Variants in SVIL observed in about 807,000 individuals in gnomAD.
SVIL encodes supervillin.
SVIL carries 101 observed loss-of-function variants against 240.4 expected under a neutral mutation model. The observed-to-expected ratio is 0.42, with a 90% CI of 0.36 to 0.50. SVIL has a LOEUF of 0.50. Ranked by LOEUF, SVIL falls within the 20% of genes least tolerant of loss-of-function variation. The pLI is 0.01. For synonymous variants in SVIL, 999 were observed against 1,100.0 expected (o/e 0.91, Z 1.82); for missense variants, 2,512 against 2,818.7 (o/e 0.89, Z 2.46).
intron 16 of SVIL, among the ~76,000 whole-genome samples, chr10:29,518,742 G>A (rs1413801118): frequency 1.3e-5 from 2 of 152,166 alleles, no homozygotes; most frequent in African/African-American, 4.8e-5. Flanking sequence ...TGTGATCCCA[G>A]CTACTCAGGA....
chr10:29,588,696 C>T (rs143731389), intron 1 of SVIL, among the ~76,000 whole-genome samples: 6 of 152,278 alleles, frequency 3.9e-5, no homozygotes, highest in East Asian at 3.9e-4. Flanking sequence ...GCTTAGGAAC[C>T]GAGTCACACA....
At chr10:29,600,066 G>C (rs1210377445) in intron 1 of SVIL, among the ~76,000 whole-genome samples, 1 of 151,256 alleles carries the variant, frequency 6.6e-6, no homozygotes, top group Non-Finnish European at 1.5e-5. Flanking sequence ...TAAGAGATAG[G>C]GTCTCACTCT....
At chr10:29,550,395 T>C (rs1435878127) in intron 6 of SVIL, among the ~76,000 whole-genome samples, 1 of 150,482 alleles carries the variant, frequency 6.6e-6, no homozygotes, top group Non-Finnish European at 1.5e-5. Flanking sequence ...TGAGCTATGA[T>C]AGTGCCACTG....
rs1413396098 is a variant in SVIL at position 29,508,286 on chromosome 10, G to A, written c.3516+4449C>T. 2.5e-5 allele frequency: 29 copies of A among 1,169,512 alleles called. No individual in the cohort carries two copies. In the East Asian group the frequency reaches 9.2e-4, roughly 37 times the overall value. The allele number at this position is 1,169,512 out of a possible 1,614,324, so 72.4% of individuals were successfully genotyped here. A position where few individuals can be genotyped will look rare whatever the true frequency, so the allele number is the denominator to read the frequency against. ...ACCACCCAGGATCAGGATTACCCACGCGAAGTGTAATTCTGGCCACCATCG... is the reference window on the plus strand; with the variant it reads ...ACCACCCAGGATCAGGATTACCCACACGAAGTGTAATTCTGGCCACCATCG... On this transcript the variant is annotated intron_variant, in intron 17 of 37. Coordinates refer to ENST00000355867, the MANE Select transcript of SVIL (RefSeq NM_021738.3).
intron 1 of SVIL, among the ~76,000 whole-genome samples, chr10:29,617,536 G>A (rs1217062173): frequency 2.6e-5 from 4 of 151,066 alleles, no homozygotes; most frequent in Admixed American, 6.6e-5. Context: ...AGCCGAGATC[G>A]TGCCACTGCA....
At chr10:29,563,469 T>A (rs1954692805) in intron 2 of SVIL, among the ~76,000 whole-genome samples, 177 bp from the exon 3 acceptor site, 1 of 152,220 alleles carries the variant, frequency 6.6e-6, no homozygotes, top group Admixed American at 6.5e-5. Flanking sequence ...TTATTTATAT[T>A]TCTGTAAATA....
In SVIL at chr10:29,512,915, G is replaced by A. The variant is rs1323118830; in HGVS notation, c.3390-54C>T. 3 of 1,587,532 alleles carry A rather than the reference G, an allele frequency of 1.9e-6. No individual in the cohort carries two copies. In the African/African-American group the frequency reaches 4.0e-5, roughly 21 times the overall value. ...AGTTCAGCACCAAACTCTTCCTTGT[G>A]ATGGAACCATAATCTAGGTAAGAGA... is the stretch of plus-strand genomic sequence containing the variant. On this transcript the variant is annotated intron_variant, in intron 16 of 37. Coordinates refer to ENST00000355867, the MANE Select transcript of SVIL (RefSeq NM_021738.3).
rs369717846 is a variant in SVIL, at chr10:29,689,308, A to G, written c.-399-2657T>C. ...CTTTGTTTTCTTTTTTTTTTGAGACAGAGTCTCGCACTATCACCCAGGCTG... is the reference window on the plus strand; with the variant it reads ...CTTTGTTTTCTTTTTTTTTTGAGACGGAGTCTCGCACTATCACCCAGGCTG... On this transcript the variant is annotated intron_variant, in intron 1 of 35. Transcript: ENST00000375400. Among the ~76,000 whole-genome samples, 3 of 151,944 alleles carry G rather than the reference A, an allele frequency of 2.0e-5. No individual in the cohort carries two copies. The South Asian group carries it at 6.2e-4, about 32-fold the overall frequency.
rs761497489 is a variant in SVIL at position 29,463,618 on chromosome 10, T to C, written c.6151A>G (p.Asn2051Asp). The change falls in exon 35 of 38, where the codon AAT (asparagine) becomes GAT (aspartate). Residue 2051 changes from asparagine (N) to aspartate (D), a missense_variant. Physicochemically the swap from Asn to Asp is conservative, Grantham distance 23. Around this residue, in one of 3 missense-constraint regions of SVIL, gnomAD observed 797 missense variants for 925.3 expected, o/e 0.86. Transcript: ENST00000355867. Reference protein sequence around the residue: ...APQPALFLVDNHHEVYLWQGW... With the variant: ...APQPALFLVDDHHEVYLWQGW... ...TGCCAGAGGTACACCTCGTGGTGAT[T>C]GTCAACAAGGAAAAGTGCTGTGAGG... is the stretch of plus-strand genomic sequence containing the variant. The C allele has an allele frequency of 1.2e-6, 2 of 1,614,082 alleles. No homozygotes were observed. The highest frequency in any genetic ancestry group is 1.1e-5 in the South Asian group (1 of 91,088).
intron 17 of SVIL, chr10:29,507,669 A>G (rs35517756): frequency 0.32 from 247,734 of 781,782 alleles, 40,064 homozygotes; most frequent in Non-Finnish European, 0.33. Context: ...TCCCAAAATT[A>G]AAACAGAAGT....
intron 1 of SVIL, among the ~76,000 whole-genome samples, chr10:29,595,506 G>A (rs540826439): frequency 7.9e-5 from 12 of 152,332 alleles, no homozygotes; most frequent in Middle Eastern, 3.4e-3. Context: ...TGGTGAAATA[G>A]GAACACATAA....
At chr10:29,734,358 C>T (rs1964778382) in intron 1 of SVIL, among the ~76,000 whole-genome samples, 1 of 152,128 alleles carries the variant, frequency 6.6e-6, no homozygotes, top group South Asian at 2.1e-4. Flanking sequence ...ACAGCACACA[C>T]CCAGCAGTCC....
At position 29,735,369 on chromosome 10, in the gene SVIL, C is replaced by G. The variant is rs1354270579; in HGVS notation, c.-400+382G>C. Among the ~76,000 whole-genome samples the G allele has an allele frequency of 6.6e-6, 1 of 152,074 alleles. No individual in the cohort carries two copies. The highest frequency in any genetic ancestry group is 1.5e-5 in the Non-Finnish European group (1 of 68,000). ...GCCACTCCCCGGGCCACCCGCCTCC[C>G]CGCCATGCTCTCAGCGTAACGGGCA... On this transcript the variant is annotated intron_variant, in intron 1 of 35. Transcript: ENST00000375400. The surrounding 1 kb of genome is among the most constrained non-coding windows in gnomAD (Gnocchi z 4.1).
chr10:29,479,712 T>G (rs1247020829), intron 29 of SVIL, among the ~76,000 whole-genome samples: 3 of 152,246 alleles, frequency 2.0e-5, no homozygotes, highest in Non-Finnish European at 4.4e-5. Context: ...TGCAGTTTTC[T>G]GATCAGCAAA....
chr10:29,590,479 T>G (rs1167009773), intron 1 of SVIL, among the ~76,000 whole-genome samples: 1 of 152,200 alleles, frequency 6.6e-6, no homozygotes, highest in Admixed American at 6.5e-5. Context: ...TAGATTTTTA[T>G]CAGATCTTTT....
chr10:29,692,754 A>C (rs1961612844), intron 1 of SVIL, among the ~76,000 whole-genome samples: 1 of 151,970 alleles, frequency 6.6e-6, no homozygotes, highest in Non-Finnish European at 1.5e-5. Context: ...CAGCCTCCCA[A>C]GGTGTTGGAA....
intron 1 of SVIL, among the ~76,000 whole-genome samples, chr10:29,583,834 CT>C (rs1956049142): frequency 6.6e-6 from 1 of 152,214 alleles, no homozygotes; most frequent in Non-Finnish European, 1.5e-5. Flanking sequence ...TCCACACTGT[CT>C]GTTGAAATGA....
In SVIL at chr10:29,511,170, G is replaced by A. The variant is rs371385176; in HGVS notation, c.3516+1565C>T. 3.9e-3 allele frequency among the ~76,000 whole-genome samples: 520 copies of A among 134,294 alleles called. 21 individuals are homozygous for A. In the South Asian group the frequency reaches 0.044, roughly 11 times the overall value. The allele number at this position is 134,294 out of a possible 152,430, so 88.1% of individuals were successfully genotyped here. On this transcript the variant is annotated intron_variant, in intron 17 of 37. Transcript: ENST00000355867. ...ACCCCAAGGGCAACTGCAGTCAACTGGCCTCTCTTGCCTTCTAAAAACCTT... is the reference window on the plus strand; with the variant it reads ...ACCCCAAGGGCAACTGCAGTCAACTAGCCTCTCTTGCCTTCTAAAAACCTT...
chr10:29,520,720 C>G (rs1950505226), intron 16 of SVIL, among the ~76,000 whole-genome samples: 2 of 151,980 alleles, frequency 1.3e-5, no homozygotes, highest in African/African-American at 4.8e-5. Context: ...CCAGCCTGGG[C>G]AACATGGTGA....
Sources: gnomAD v4.1 joint callset for allele counts (sites outside exome capture counted in the v4.1 genomes callset) on GRCh38, gnomAD v4.1.1 for gene constraint, gnomAD v4.1.1 regional missense constraint, Gnocchi (gnomAD v3.1) non-coding constraint, MANE v1.5 for transcripts, NCBI Gene and HGNC (gene_info 2026-07-23, HGNC 2026-07-21) for gene names.